Variants in FNBP1 observed in about 807,000 individuals in gnomAD.
FNBP1 encodes the protein formin binding protein 1, also known as formin-binding protein 1.
In FNBP1, 26 loss-of-function variants were observed where a neutral mutation model predicts 90.6. That is an observed-to-expected ratio of 0.29 (90% CI 0.21 to 0.40). The LOEUF (loss-of-function observed/expected upper bound fraction) is 0.40, where lower values mean the gene tolerates loss of function less well. FNBP1 is among the 10% of genes least tolerant of loss of function. The pLI is 1.00. For synonymous variants in FNBP1, 260 were observed against 265.2 expected (o/e 0.98, Z 0.19); for missense variants, 635 against 768.0 (o/e 0.83, Z 2.05).
rs111706316 is a variant in FNBP1, at chr9:129,986,370, G to A, written c.141-6996C>T. Among the ~76,000 whole-genome samples the A allele has an allele frequency of 1.8e-3, 267 of 152,146 alleles. 2 individuals carry two copies. The highest frequency in any genetic ancestry group is 6.2e-3 in the African/African-American group (258 of 41,486). On this transcript the variant is annotated intron_variant, in intron 2 of 16. Coordinates refer to ENST00000446176, the MANE Select transcript of FNBP1 (RefSeq NM_015033.3). ...AATGGAATGAGAAGGAAGACACAAA[G>A]CTGAGGAAATGAACTAAGGACTAAA...
intron 4 of FNBP1, among the ~76,000 whole-genome samples, chr9:129,967,982 C>CT (rs781442852): frequency 1.4e-3 from 203 of 140,162 alleles, no homozygotes; most frequent in Middle Eastern, 7.2e-3. Context: ...AGCTGGAAAA[C>CT]TTTTTTTTTT....
At chr9:129,922,643 G>A (rs1490828735) in intron 10 of FNBP1, among the ~76,000 whole-genome samples, 4 of 152,142 alleles carry the variant, frequency 2.6e-5, no homozygotes, top group Non-Finnish European at 5.9e-5. Context: ...CCTTTAAAGA[G>A]AAATTCTGCA....
At chr9:130,023,105 T>C (rs975929949) in intron 1 of FNBP1, among the ~76,000 whole-genome samples, 2 of 151,736 alleles carry the variant, frequency 1.3e-5, no homozygotes, top group African/African-American at 4.8e-5. Flanking sequence ...GTGACTAGTA[T>C]GCTAACATTT....
chr9:130,034,937 AG>A (rs2059172421), intron 1 of FNBP1, among the ~76,000 whole-genome samples: 1 of 152,166 alleles, frequency 6.6e-6, no homozygotes, highest in Non-Finnish European at 1.5e-5. Flanking sequence ...ACTTGAGCCC[AG>A]GAGTTCAAGG....
intron 6 of FNBP1, among the ~76,000 whole-genome samples, chr9:129,944,680 T>C (rs1397881013): frequency 6.6e-6 from 1 of 152,112 alleles, no homozygotes; most frequent in Non-Finnish European, 1.5e-5. Context: ...AATAGGCCAC[T>C]ACACATACAT....
intron 1 of FNBP1, among the ~76,000 whole-genome samples, chr9:129,997,860 A>C (rs2054232762): frequency 6.6e-6 from 1 of 151,770 alleles, no homozygotes; most frequent in South Asian, 2.1e-4. Flanking sequence ...AAAAACAAAA[A>C]CCAAAAACAT....
rs549213593 is a variant in FNBP1 at position 129,985,029 on chromosome 9, A to C, written c.141-5655T>G. On this transcript the variant is annotated intron_variant, in intron 2 of 16. Coordinates refer to ENST00000446176, the MANE Select transcript of FNBP1 (RefSeq NM_015033.3). ...CCTAATGGCGTAAACCCCATAACAG[A>C]ACCTCTAACAAAGTTTCAGAAGAAA... is the stretch of plus-strand genomic sequence containing the variant. 2.6e-5 allele frequency among the ~76,000 whole-genome samples: 4 copies of C among 152,208 alleles called. No individual in the cohort carries two copies. In the South Asian group the frequency reaches 8.3e-4, roughly 32 times the overall value.
rs1271325012 is a variant in FNBP1, at chr9:129,929,493, A to G, written c.642+74T>C. Reference sequence around the variant, plus strand: ...GACTCAGAATACAAACCCAGCAATCACGATTCAGAAGTGTCATGTTTCTAA... The same window carrying G: ...GACTCAGAATACAAACCCAGCAATCGCGATTCAGAAGTGTCATGTTTCTAA... On this transcript the variant is annotated intron_variant, in intron 7 of 16. Coordinates refer to ENST00000446176, the MANE Select transcript of FNBP1 (RefSeq NM_015033.3). The G allele has an allele frequency of 4.4e-6, 6 of 1,367,988 alleles. No individual in the cohort carries two copies. The African/African-American group carries it at 8.7e-5, about 20-fold the overall frequency. 84.7% of individuals were successfully genotyped at this position (1,367,988 alleles called of 1,614,324 possible).
chr9:129,907,761 C>A (rs967541727), intron 12 of FNBP1, among the ~76,000 whole-genome samples: 1 of 152,132 alleles, frequency 6.6e-6, no homozygotes, highest in Non-Finnish European at 1.5e-5. Context: ...CAGAGTCTCG[C>A]TCCATCACCC....
intron 1 of FNBP1, among the ~76,000 whole-genome samples, chr9:130,003,911 G>A (rs78902742): frequency 0.17 from 8,637 of 49,516 alleles, 399 homozygotes; most frequent in Middle Eastern, 0.34. Context: ...GCGACAGAGC[G>A]AGACTCCGCC....
intron 1 of FNBP1, among the ~76,000 whole-genome samples, chr9:130,033,941 G>T (rs573464421): frequency 1.3e-4 from 20 of 151,436 alleles, no homozygotes; most frequent in Admixed American, 3.3e-4. Context: ...GCATGAACCT[G>T]GGAGGCAGAG....
intron 2 of FNBP1, among the ~76,000 whole-genome samples, chr9:129,987,831 C>A (rs1278841655): frequency 2.0e-5 from 3 of 151,974 alleles, no homozygotes; most frequent in Non-Finnish European, 4.4e-5. Flanking sequence ...CTTAGCGCAT[C>A]CCTCAGTTTC....
At position 129,934,611 on chromosome 9, in the gene FNBP1, G is replaced by A. The variant is rs137935279; in HGVS notation, c.514-4916C>T. On this transcript the variant is annotated intron_variant, in intron 6 of 16. Coordinates refer to ENST00000446176, the MANE Select transcript of FNBP1 (RefSeq NM_015033.3). ...TTTTGAGACAGAGTCTCACTCTGTC[G>A]CCCAGGCTGGAGTGCAGTGGCACAA... is the stretch of plus-strand genomic sequence containing the variant. Among the ~76,000 whole-genome samples the A allele has an allele frequency of 1.3e-3, 196 of 149,346 alleles. 1 individual carries two copies. Among genetic ancestry groups the A allele is most frequent in the African/African-American group, 4.2e-3 (171 of 40,454 alleles).
intron 1 of FNBP1, among the ~76,000 whole-genome samples, chr9:130,023,128 G>A (rs2058010995): frequency 6.6e-6 from 1 of 151,918 alleles, no homozygotes; most frequent in South Asian, 2.1e-4. Context: ...AAGGGAGGGG[G>A]GAATTTACTC....
intron 8 of FNBP1, 139 bp from the exon 9 acceptor site, chr9:129,925,296 G>C (rs2041706098): frequency 3.1e-6 from 2 of 650,114 alleles, no homozygotes; most frequent in Admixed American, 2.7e-5. Flanking sequence ...CACGAGGTCA[G>C]GAGATCAAGA....
rs991311151 is a variant in FNBP1 at position 129,927,757 on chromosome 9, AC to A, written c.643-417del. Among the ~76,000 whole-genome samples, 4 of 64,498 alleles carry A rather than the reference AC, an allele frequency of 6.2e-5. No individual in the cohort carries two copies. The East Asian group carries it at 2.4e-3, about 39-fold the overall frequency. 42.3% of individuals were successfully genotyped at this position (64,498 alleles called of 152,430 possible). A position where few individuals can be genotyped will look rare whatever the true frequency, so the allele number is the denominator to read the frequency against. On this transcript the variant is annotated intron_variant, in intron 7 of 16. Transcript: ENST00000446176. ...CCAAGTAGCTGGGATTACAGGCCCC[AC>A]CCCCCCTCCCCCCGCCACCACACTT...
At chr9:129,929,505 T>C in intron 7 of FNBP1, 62 bp downstream of exon 7, 1 of 1,493,726 alleles carries the variant, frequency 6.7e-7, no homozygotes, top group South Asian at 1.2e-5. Flanking sequence ...GATTCAGAAG[T>C]GTCATGTTTC....
At chr9:129,941,880 G>A (rs901363646) in intron 6 of FNBP1, among the ~76,000 whole-genome samples, 1 of 152,144 alleles carries the variant, frequency 6.6e-6, no homozygotes, top group African/African-American at 2.4e-5. Flanking sequence ...AGACCCCCCT[G>A]GCTGACATGG....
intron 1 of FNBP1, among the ~76,000 whole-genome samples, chr9:130,039,273 AC>A: frequency 6.6e-6 from 1 of 152,362 alleles, no homozygotes; most frequent in Middle Eastern, 3.4e-3. Context: ...TCTTGTGCAC[AC>A]CATAGTTGTT....
Sources: gnomAD v4.1 joint callset for allele counts (sites outside exome capture counted in the v4.1 genomes callset) on GRCh38, gnomAD v4.1.1 for gene constraint, MANE v1.5 for transcripts, NCBI Gene and HGNC (gene_info 2026-07-23, HGNC 2026-07-21) for gene names.